Variants in GRIN2D observed in about 807,000 individuals in gnomAD.
The protein encoded by GRIN2D is glutamate receptor ionotropic, NMDA 2D.
A neutral mutation model predicts 103.2 loss-of-function variants in GRIN2D; 37 were observed. That is an observed-to-expected ratio of 0.36 (90% CI 0.28 to 0.47). The LOEUF (loss-of-function observed/expected upper bound fraction) is 0.47. GRIN2D is among the 20% of genes least tolerant of loss of function. GRIN2D has a pLI of 1.00. For missense variants in GRIN2D, 1,557 were observed against 1,910.6 expected (o/e 0.81, Z 3.45); for synonymous variants, 845 against 885.6 (o/e 0.95, Z 0.81).
intron 4 of GRIN2D, among the ~76,000 whole-genome samples, chr19:48,406,809 C>T (rs1355956521): frequency 1.3e-5 from 2 of 152,012 alleles, no homozygotes; most frequent in Non-Finnish European, 2.9e-5. Context: ...AGGAGATTTT[C>T]GGATGCATGA....
At chr19:48,433,737 T>G (rs1175642590) in intron 11 of GRIN2D, among the ~76,000 whole-genome samples, 1 of 152,236 alleles carries the variant, frequency 6.6e-6, no homozygotes, top group African/African-American at 2.4e-5. Context: ...AGCATTATTT[T>G]TTTTTCTTTT....
intron 11 of GRIN2D, among the ~76,000 whole-genome samples, chr19:48,431,103 C>CCACT (rs1204395520): frequency 7.2e-5 from 11 of 152,184 alleles, no homozygotes; most frequent in Non-Finnish European, 1.3e-4. Context: ...CAGGTGTGAG[C>CCACT]CACTGTGCCT....
In GRIN2D at chr19:48,414,302, G is replaced by A. The variant is rs1227657311; in HGVS notation, c.1201-71G>A. Reference sequence around the variant, plus strand: ...GCCCACACACCTAGGTCTGAGGGAAGAGGATCATGGAGGCCAGGATACACC... The same window carrying A: ...GCCCACACACCTAGGTCTGAGGGAAAAGGATCATGGAGGCCAGGATACACC... On this transcript the variant is annotated intron_variant, in intron 5 of 13. Coordinates refer to ENST00000263269, the MANE Select transcript of GRIN2D (RefSeq NM_000836.4). This position sits in a 1 kb window ranked among gnomAD's most constrained non-coding sequence, Gnocchi z 4.6. 2 of 1,290,912 alleles carry A rather than the reference G, an allele frequency of 1.5e-6. No individual in the cohort carries two copies. Among genetic ancestry groups the A allele is most frequent in the Non-Finnish European group, 2.2e-6 (2 of 920,260 alleles). The allele number at this position is 1,290,912 out of a possible 1,614,324, so 80.0% of individuals were successfully genotyped here. A position where few individuals can be genotyped will look rare whatever the true frequency, so the allele number is the denominator to read the frequency against.
rs1367182146 is a variant in GRIN2D, at chr19:48,414,704, G to A, written c.1412+120G>A. On this transcript the variant is annotated intron_variant, in intron 6 of 13. Coordinates refer to ENST00000263269, the MANE Select transcript of GRIN2D (RefSeq NM_000836.4). This position sits in a 1 kb window ranked among gnomAD's most constrained non-coding sequence, Gnocchi z 4.6. ...AGGACCCACAAAGCCCTCCAGCTTG[G>A]TGACCTTAGGCAAACCTCAGAATTC... The A allele has an allele frequency of 1.2e-5, 15 of 1,258,842 alleles. No individual in the cohort carries two copies. Among genetic ancestry groups the A allele is most frequent in the African/African-American group, 3.0e-5 (2 of 66,672 alleles). The allele number at this position is 1,258,842 out of a possible 1,614,324, so 78.0% of individuals were successfully genotyped here.
intron 3 of GRIN2D, among the ~76,000 whole-genome samples, chr19:48,399,150 G>A (rs957546818): frequency 1.3e-5 from 2 of 152,172 alleles, no homozygotes. Flanking sequence ...TTGCAGGTAA[G>A]GGTCTGTAGT....
intron 8 of GRIN2D, among the ~76,000 whole-genome samples, chr19:48,417,583 C>T (rs1970963021): frequency 6.6e-6 from 1 of 152,176 alleles, no homozygotes; most frequent in Non-Finnish European, 1.5e-5. Flanking sequence ...GTTTATTTCG[C>T]CCAGTGGTGT....
At chr19:48,441,546 C>T (rs990148306) in intron 11 of GRIN2D, among the ~76,000 whole-genome samples, 1 of 152,154 alleles carries the variant, frequency 6.6e-6, no homozygotes, top group African/African-American at 2.4e-5. Context: ...GACCCTGTCT[C>T]TTAAACAACA....
chr19:48,431,462 C>T (rs953666062), intron 11 of GRIN2D, among the ~76,000 whole-genome samples: 1 of 152,168 alleles, frequency 6.6e-6, no homozygotes, highest in East Asian at 1.9e-4. Flanking sequence ...TTCTAATATC[C>T]AGTGCTACTG....
chr19:48,401,610 G>A (rs1301146655), intron 3 of GRIN2D, among the ~76,000 whole-genome samples: 2 of 152,174 alleles, frequency 1.3e-5, no homozygotes, highest in Non-Finnish European at 2.9e-5. Context: ...GGGGGATTGG[G>A]GTGGCAGGAG....
intron 11 of GRIN2D, among the ~76,000 whole-genome samples, chr19:48,426,318 T>C (rs1400736220): frequency 2.7e-5 from 4 of 146,610 alleles, no homozygotes; most frequent in Admixed American, 6.8e-5. Flanking sequence ...CTCCGTCTCC[T>C]GGGTTTGAGC....
Position 48,443,368 on chromosome 19 carries a change from C to T in GRIN2D, c.3442C>T (p.Pro1148Ser), listed in dbSNP as rs1279573942. Residue 1148 changes from proline to serine, a missense_variant, in exon 14 of 14, where the codon CCG becomes TCG. Pro to Ser is a moderately conservative substitution (Grantham distance 74, BLOSUM62 -1). Transcript: ENST00000263269. The surrounding 1 kb of genome is among the most constrained non-coding windows in gnomAD (Gnocchi z 8.9). ...PYPYAERLGPPPGRYWSVDKL... is the reference protein window; with the variant it reads ...PYPYAERLGPSPGRYWSVDKL... ...CCCGTATGCCGAGCGCCTCGGGCCG[C>T]CGCCCGGCCGCTACTGGTCGGTCGA... is the stretch of plus-strand genomic sequence containing the variant. The T allele has an allele frequency of 6.0e-6, 9 of 1,493,050 alleles. No homozygotes were observed. The African/African-American group carries it at 1.3e-4, about 22-fold the overall frequency. 92.5% of individuals were successfully genotyped at this position (1,493,050 alleles called of 1,614,324 possible).
Position 48,393,849 on chromosome 19 carries a change from G to C in GRIN2D, c.-325G>C, listed in dbSNP as rs775911375. Among the ~76,000 whole-genome samples the C allele has an allele frequency of 1.1e-3, 170 of 152,120 alleles. No homozygotes were observed. The highest frequency in any genetic ancestry group is 4.7e-4 in the Non-Finnish European group (32 of 67,954). On this transcript the variant is annotated 5_prime_UTR_variant, in exon 1 of 14. Transcript: ENST00000263269. The surrounding 1 kb of genome is among the most constrained non-coding windows in gnomAD (Gnocchi z 5.6). ...TCGGCCCGGCCCCCAGGGGTCTCTC[G>C]AGCGTCTGCCATCTGCCCGGTGAGG...
intron 4 of GRIN2D, among the ~76,000 whole-genome samples, chr19:48,410,943 T>C (rs1285295120): frequency 6.6e-6 from 1 of 151,988 alleles, no homozygotes; most frequent in Non-Finnish European, 1.5e-5. Context: ...AGGGTGATGT[T>C]GCATAGTGAA....
chr19:48,416,531 G>A (rs1346266770), intron 8 of GRIN2D, among the ~76,000 whole-genome samples: 2 of 152,150 alleles, frequency 1.3e-5, no homozygotes, highest in African/African-American at 4.8e-5. Flanking sequence ...CCTGTACTAG[G>A]TATGAGATGA....
At position 48,419,241 on chromosome 19, in the gene GRIN2D, C is replaced by T. The variant is rs1334333659; in HGVS notation, c.1743C>T (p.Tyr581=). 1 of 1,607,504 alleles carries T rather than the reference C, an allele frequency of 6.2e-7. No individual in the cohort carries two copies. Among genetic ancestry groups the T allele is most frequent in the Non-Finnish European group, 8.5e-7 (1 of 1,178,638 alleles). ...TVSPSAFLEP[Y]SPAVWVMMFV... ...GCACTCCCTTGTCCCCAGAGCCCTACAGCCCCGCCGTGTGGGTGATGATGT... is the reference window on the plus strand; with the variant it reads ...GCACTCCCTTGTCCCCAGAGCCCTATAGCCCCGCCGTGTGGGTGATGATGT... Residue 581 remains tyrosine (Y), a synonymous_variant, in exon 9 of 14, where the codon TAC becomes TAT. Coordinates refer to ENST00000263269, the MANE Select transcript of GRIN2D (RefSeq NM_000836.4).
At chr19:48,408,310 G>GGTGACAGA (rs1208520035) in intron 4 of GRIN2D, among the ~76,000 whole-genome samples, 1 of 148,340 alleles carries the variant, frequency 6.7e-6, no homozygotes, top group Non-Finnish European at 1.5e-5. Context: ...CTCCAGCCTG[G>GGTGACAGA]GTGACAGAGT....
Position 48,394,341 on chromosome 19 carries a change from G to A in GRIN2D, c.-305-317G>A, listed in dbSNP as rs1236725048. 1.3e-5 allele frequency among the ~76,000 whole-genome samples: 2 copies of A among 151,252 alleles called. No homozygotes were observed. Among genetic ancestry groups the A allele is most frequent in the South Asian group, 2.1e-4 (1 of 4,782 alleles). On this transcript the variant is annotated intron_variant, in intron 1 of 13. Transcript: ENST00000263269. This position sits in a 1 kb window ranked among gnomAD's most constrained non-coding sequence, Gnocchi z 5.1. ...AGGGGGGGTCTAGAGGTGGCCAAGC[G>A]AGGAAGGGGCAAGCAGTTCCCCAAG... is the stretch of plus-strand genomic sequence containing the variant.
rs370269500 is a variant in GRIN2D at position 48,416,049 on chromosome 19, C to T, written c.1629C>T (p.Asn543=). 7.7e-5 allele frequency: 124 copies of T among 1,613,844 alleles called. No individual in the cohort carries two copies. The highest frequency in any genetic ancestry group is 2.9e-4 in the East Asian group (13 of 44,874). The change falls in exon 8 of 14, where the codon AAC becomes AAT. Residue 543 remains asparagine (N), a synonymous_variant. Transcript: ENST00000263269. ...ADMAIGSLTI[N]EERSEIVDFS... ...TGGCCATCGGCTCCCTCACCATCAA[C>T]GAGGAGCGCTCCGAGATCGTGGACT...
Position 48,442,090 on chromosome 19 carries a change from C to T in GRIN2D, c.2441-60C>T. 6.5e-7 allele frequency: 1 copy of T among 1,547,964 alleles called. No individual in the cohort carries two copies. The highest frequency in any genetic ancestry group is 2.3e-5 in the East Asian group (1 of 44,412). ...GGGCTAAGGGCCTACATTCCCACATCACAGACAAGGGTCCTCAGAGGGTAC... is the reference window on the plus strand; with the variant it reads ...GGGCTAAGGGCCTACATTCCCACATTACAGACAAGGGTCCTCAGAGGGTAC... On this transcript the variant is annotated intron_variant, in intron 12 of 13. Coordinates refer to ENST00000263269, the MANE Select transcript of GRIN2D (RefSeq NM_000836.4). This position sits in a 1 kb window ranked among gnomAD's most constrained non-coding sequence, Gnocchi z 7.2.
Sources: allele counts gnomAD v4.1 joint callset (sites outside exome capture counted in the v4.1 genomes callset), GRCh38; gene constraint gnomAD v4.1.1; non-coding constraint Gnocchi (gnomAD v3.1); transcripts MANE v1.5; gene names NCBI Gene and HGNC (gene_info 2026-07-23, HGNC 2026-07-21).